The following CASS4 variants were observed in gnomAD, a reference collection of about 807,000 sequenced individuals.
CASS4 encodes cas scaffolding protein family member 4.
CASS4 carries 22 observed loss-of-function variants against 54.2 expected under a neutral mutation model. The observed-to-expected ratio is 0.41, with a 90% confidence interval of 0.29 to 0.58. The LOEUF is 0.58. Ranked by LOEUF, CASS4 falls within the 20% of genes least tolerant of loss-of-function variation. CASS4 has a pLI of 0.36. For missense variants in CASS4, 854 were observed against 986.7 expected (o/e 0.87, Z 1.80); for synonymous variants, 409 against 391.5 (o/e 1.04, Z -0.53).
Position 56,456,616 on chromosome 20 carries a change from C to G in CASS4, c.1954-1724C>G, listed in dbSNP as rs6024890. Among the ~76,000 whole-genome samples the G allele has an allele frequency of 2.3e-3, 346 of 152,182 alleles. 2 individuals are homozygous for G. Among genetic ancestry groups the G allele is most frequent in the African/African-American group, 7.9e-3 (326 of 41,528 alleles). On this transcript the variant is annotated intron_variant, in intron 5 of 5. Coordinates refer to ENST00000679887, the MANE Select transcript of CASS4 (RefSeq NM_020356.4). ...TCTCAAATTCCTGACCTCAAGTGAC[C>G]CTCCTGCCTCAGCCTCCCAAAGTGC...
At chr20:56,416,538 TG>T (rs1979147126) in intron 1 of CASS4, among the ~76,000 whole-genome samples, 1 of 152,074 alleles carries the variant, frequency 6.6e-6, no homozygotes. Context: ...CGTGTGTGTG[TG>T]TGTGTGTGTG....
chr20:56,429,359 G>T (rs895777814), intron 1 of CASS4, among the ~76,000 whole-genome samples: 5 of 152,006 alleles, frequency 3.3e-5, no homozygotes, highest in African/African-American at 9.7e-5. Flanking sequence ...TCCTTCACCA[G>T]CTCCTCCCCA....
chr20:56,428,636 C>T (rs753716977), intron 1 of CASS4, among the ~76,000 whole-genome samples: 3 of 152,204 alleles, frequency 2.0e-5, no homozygotes, highest in African/African-American at 4.8e-5. Flanking sequence ...CTCCTATAAT[C>T]CTTTGAGTTT....
At chr20:56,417,837 C>A (rs1240037967) in intron 1 of CASS4, among the ~76,000 whole-genome samples, 3 of 152,232 alleles carry the variant, frequency 2.0e-5, no homozygotes, top group African/African-American at 7.2e-5. Context: ...AGCCTGTTCT[C>A]TTGACAATTG....
At position 56,451,839 on chromosome 20, in the gene CASS4, A is replaced by G; in HGVS notation, c.663A>G (p.Ile221Met). The change falls in exon 5 of 6, where the codon ATA becomes ATG. Residue 221 changes from isoleucine to methionine, a missense_variant. Physicochemically the swap from Ile to Met is conservative, Grantham distance 10 (BLOSUM62 1). Coordinates refer to ENST00000679887, the MANE Select transcript of CASS4 (RefSeq NM_020356.4). ...CACAGGGGCAGGGTGTTCCCCTGAT[A>G]TCAGTGACTACCTTAAGAAGAGGCG... ...SQASGQGVPL[I>M]SVTTLRRGGY... The G allele has an allele frequency of 6.2e-7, 1 of 1,612,486 alleles. No individual in the cohort carries two copies. Among genetic ancestry groups the G allele is most frequent in the South Asian group, 1.1e-5 (1 of 91,012 alleles).
chr20:56,433,750 G>A (rs1161032532), intron 1 of CASS4, among the ~76,000 whole-genome samples: 1 of 152,166 alleles, frequency 6.6e-6, no homozygotes, highest in East Asian at 1.9e-4. Context: ...TCAGACAAGT[G>A]ATAGCTTCAT....
In CASS4 at chr20:56,451,833, C is replaced by T; in HGVS notation, c.657C>T (p.Pro219=). 1 of 1,611,906 alleles carries T rather than the reference C, an allele frequency of 6.2e-7. No individual in the cohort carries two copies. Among genetic ancestry groups the T allele is most frequent in the Non-Finnish European group, 8.5e-7 (1 of 1,178,296 alleles). ...PDSQASGQGV[P]LISVTTLRRG... ...TTCTCCCACAGGGGCAGGGTGTTCC[C>T]CTGATATCAGTGACTACCTTAAGAA... Residue 219 remains proline (P), a synonymous_variant, in exon 5 of 6, where the codon CCC becomes CCT. Transcript: ENST00000679887.
At chr20:56,426,869 G>A (rs544486570) in intron 1 of CASS4, among the ~76,000 whole-genome samples, 126 of 152,244 alleles carry the variant, frequency 8.3e-4, no homozygotes, top group African/African-American at 2.8e-3. Flanking sequence ...ATGAGCCACC[G>A]CACCCAGCCA....
At chr20:56,439,195 G>C (rs1232085585) in intron 2 of CASS4, among the ~76,000 whole-genome samples, 1 of 151,828 alleles carries the variant, frequency 6.6e-6, no homozygotes, top group Non-Finnish European at 1.5e-5. Flanking sequence ...TTGAGACTGG[G>C]TCTCGCTCTG....
chr20:56,455,850 G>C (rs536379502), intron 5 of CASS4, among the ~76,000 whole-genome samples: 11 of 152,250 alleles, frequency 7.2e-5, no homozygotes, highest in African/African-American at 2.6e-4. Context: ...AGAATTGCTT[G>C]AACCCGGAAA....
In CASS4 at chr20:56,453,009, C is replaced by T. The variant is rs1406597734; in HGVS notation, c.1833C>T (p.Tyr611=). The change falls in exon 5 of 6, where the codon TAC becomes TAT. Residue 611 remains tyrosine, a synonymous_variant. Coordinates refer to ENST00000679887, the MANE Select transcript of CASS4 (RefSeq NM_020356.4). ...ATGCAGAATTTAAGTGTGAAAAATA[C>T]ATCCAGCCTCCCCAAAGAGAAACTG... ...TPNAEFKCEK[Y]IQPPQRETES... is the part of the protein sequence containing the mutation. The T allele has an allele frequency of 2.5e-6, 4 of 1,613,992 alleles. No individual in the cohort carries two copies. The African/African-American group carries it at 4.0e-5, about 16-fold the overall frequency.
At chr20:56,447,114 G>A (rs1433203324) in intron 3 of CASS4, among the ~76,000 whole-genome samples, 1 of 151,682 alleles carries the variant, frequency 6.6e-6, no homozygotes, top group East Asian at 1.9e-4. Context: ...AGGGTGAGGT[G>A]GGAGAATCAC....
rs1297393731 is a variant in CASS4, at chr20:56,430,650, G to A, written c.37-6514G>A. ...GAACATGGGTGCAGGATGAGTGCTG[G>A]CTGCTGCTATTGCAATGTCCAGTGC... is the stretch of plus-strand genomic sequence containing the variant. On this transcript the variant is annotated intron_variant, in intron 1 of 5. Transcript: ENST00000679887. The surrounding 1 kb of genome is among the most constrained non-coding windows in gnomAD (Gnocchi z 4.2). Among the ~76,000 whole-genome samples the A allele has an allele frequency of 6.6e-6, 1 of 152,150 alleles. No homozygotes were observed. The highest frequency in any genetic ancestry group is 1.5e-5 in the Non-Finnish European group (1 of 68,036).
At chr20:56,457,607 A>G (rs2870740) in intron 5 of CASS4, among the ~76,000 whole-genome samples, 61,207 of 151,710 alleles carry the variant, frequency 0.4, 13,331 homozygotes, top group East Asian at 0.93. Context: ...AAATGTTGAG[A>G]GTTCTGATAT....
At chr20:56,446,031 C>T (rs922502028) in intron 3 of CASS4, 30 bp downstream of exon 3, 16 of 1,458,308 alleles carry the variant, frequency 1.1e-5, no homozygotes, top group Non-Finnish European at 1.4e-5. Flanking sequence ...CCCTCATCAC[C>T]CAGACCTCTG....
chr20:56,420,542 C>G (rs1375828872), intron 1 of CASS4, among the ~76,000 whole-genome samples: 1 of 150,192 alleles, frequency 6.7e-6, no homozygotes, highest in Non-Finnish European at 1.5e-5. Context: ...GTGCACGCCA[C>G]CATGCCCATC....
intron 1 of CASS4, among the ~76,000 whole-genome samples, chr20:56,426,058 CT>C (rs1374648926): frequency 3.9e-5 from 6 of 152,338 alleles, no homozygotes; most frequent in African/African-American, 1.4e-4. Flanking sequence ...CTTCATCTCC[CT>C]CTCCCAGGAG....
chr20:56,433,796 T>C (rs947409431), intron 1 of CASS4, among the ~76,000 whole-genome samples: 1 of 152,108 alleles, frequency 6.6e-6, no homozygotes, highest in African/African-American at 2.4e-5. Context: ...TGCTTCACCA[T>C]GGAGAAGAGA....
intron 5 of CASS4, among the ~76,000 whole-genome samples, chr20:56,456,002 A>G (rs1218909803): frequency 6.6e-6 from 1 of 151,712 alleles, no homozygotes; most frequent in Non-Finnish European, 1.5e-5. Flanking sequence ...TTGATCTAGT[A>G]GGTCTGGGGT....
Sources: allele counts gnomAD v4.1 joint callset (sites outside exome capture counted in the v4.1 genomes callset), GRCh38; gene constraint gnomAD v4.1.1; non-coding constraint Gnocchi (gnomAD v3.1); transcripts MANE v1.5; gene names NCBI Gene and HGNC (gene_info 2026-07-23, HGNC 2026-07-21).